APPL2: variants seen among roughly 807,000 people sequenced by gnomAD.
APPL2 encodes adaptor protein, phosphotyrosine interacting with PH domain and leucine zipper 2.
A neutral mutation model predicts 92.7 loss-of-function variants in APPL2; 84 were observed. The ratio of observed to expected loss-of-function variants is 0.91; its 90% CI spans 0.76 to 1.09. The LOEUF is 1.09. Ranked by LOEUF, APPL2 falls within the 50% of genes least tolerant of loss-of-function variation. The pLI, the probability that APPL2 is intolerant of heterozygous loss-of-function variation, is 0.00. For synonymous variants in APPL2, 291 were observed against 291.0 expected, an observed-to-expected ratio of 1.00 and a Z score of 0.00; for missense variants, 736 against 824.5, an observed-to-expected ratio of 0.89 and a Z score of 1.31.
intron 7 of APPL2, 67 bp downstream of exon 7, chr12:105,207,904 C>A: frequency 7.0e-7 from 1 of 1,421,646 alleles, no homozygotes; most frequent in South Asian, 1.2e-5. Flanking sequence ...GCCATAAATT[C>A]ACAAGAGGAA....
rs1243369573 is a variant in APPL2, at chr12:105,217,718, A to AT, written c.160dup (p.Met54AsnfsTer10). On this transcript the variant is annotated frameshift_variant, in exon 3 of 21. Coordinates refer to ENST00000258530, the MANE Select transcript of APPL2 (RefSeq NM_018171.5). LOFTEE classifies it high-confidence loss of function. ...AGAAAGCTGTTGTGTGGCCAGGCAC[A>AT]TCTCATTCTGTGGAGAGAAGAGAAA... 1.2e-6 allele frequency: 2 copies of AT among 1,613,786 alleles called. No homozygotes were observed. The highest frequency in any genetic ancestry group is 1.7e-6 in the Non-Finnish European group (2 of 1,180,038).
intron 17 of APPL2, among the ~76,000 whole-genome samples, chr12:105,187,952 A>C (rs969112065): frequency 2.6e-5 from 4 of 151,914 alleles, no homozygotes; most frequent in African/African-American, 9.7e-5. Context: ...TTTTTTATAA[A>C]TAGTACTCTC....
intron 7 of APPL2, 138 bp downstream of exon 7, chr12:105,207,833 A>ATC: frequency 2.8e-6 from 2 of 720,048 alleles, no homozygotes; most frequent in Admixed American, 2.8e-5. Flanking sequence ...TGAGATTTGG[A>ATC]ATGAACAATT....
chr12:105,226,873 T>C lies in APPL2; in HGVS notation c.153+2252A>G, dbSNP rs142879377. 5.4e-3 allele frequency among the ~76,000 whole-genome samples: 816 copies of C among 152,252 alleles called. 3 individuals carry two copies. Among genetic ancestry groups the C allele is most frequent in the African/African-American group, 0.018 (753 of 41,534 alleles). The stretch of plus-strand genomic sequence containing the variant: ...GGTCATTAAAACTAGTTCTAGCTAC[T>C]CAGAAGGCTAAGACAGATCACTTGA... On this transcript the variant is annotated intron_variant, in intron 2 of 20. Coordinates refer to ENST00000258530, the MANE Select transcript of APPL2 (RefSeq NM_018171.5).
At chr12:105,213,928 T>C (rs1889427910) in intron 4 of APPL2, among the ~76,000 whole-genome samples, 1 of 152,198 alleles carries the variant, frequency 6.6e-6, no homozygotes, top group African/African-American at 2.4e-5. Flanking sequence ...GGCTCACACC[T>C]GTAATCTCAG....
chr12:105,209,917 G>C (rs540702596), intron 5 of APPL2, among the ~76,000 whole-genome samples: 10 of 151,958 alleles, frequency 6.6e-5, no homozygotes, highest in African/African-American at 2.4e-4. Flanking sequence ...CTTAGCCTCA[G>C]GTGACACCAA....
intron 2 of APPL2, among the ~76,000 whole-genome samples, chr12:105,228,758 A>T (rs904347202): frequency 6.6e-6 from 1 of 152,190 alleles, no homozygotes; most frequent in African/African-American, 2.4e-5. Context: ...TCCCACACTG[A>T]CATCTAAGAC....
At chr12:105,198,537 G>A (rs1005809467) in intron 10 of APPL2, among the ~76,000 whole-genome samples, 2 of 152,198 alleles carry the variant, frequency 1.3e-5, no homozygotes, top group Non-Finnish European at 2.9e-5. Context: ...ACAGACCTTA[G>A]AGGTACTCCA....
rs202080524 is a variant in APPL2 at position 105,208,167 on chromosome 12, C to T, written c.406G>A (p.Ala136Thr). Reference sequence around the variant, plus strand: ...TGGAGAAGGTGCCTACCATTGCTAGCGAGTCCAAATAGATCCTTTAAAGTG... The same window carrying T: ...TGGAGAAGGTGCCTACCATTGCTAGTGAGTCCAAATAGATCCTTTAAAGTG... Reference protein sequence around the residue: ...VSTLKDLFGLASNEHDLSMAK... With the variant: ...VSTLKDLFGLTSNEHDLSMAK... Residue 136 changes from alanine to threonine, a missense_variant, in exon 6 of 21, where the codon GCT (alanine) becomes ACT (threonine). Transcript: ENST00000258530. 1.3e-4 allele frequency: 202 copies of T among 1,614,184 alleles called. 1 individual carries two copies. The highest frequency in any genetic ancestry group is 1.6e-4 in the East Asian group (7 of 44,882).
At chr12:105,222,685 A>G (rs575439977) in intron 2 of APPL2, among the ~76,000 whole-genome samples, 18 of 152,330 alleles carry the variant, frequency 1.2e-4, no homozygotes, top group Middle Eastern at 3.4e-3. Flanking sequence ...GGGGCCAGAC[A>G]TGGTGTAGGG....
intron 2 of APPL2, among the ~76,000 whole-genome samples, chr12:105,228,629 C>CTTTTGCATG (rs1890698407): frequency 6.6e-6 from 1 of 151,722 alleles, no homozygotes; most frequent in South Asian, 2.1e-4. Context: ...TCAGCAATTT[C>CTTTTGCATG]TTTTGCATGC....
chr12:105,181,419 G>C (rs1886102009), intron 17 of APPL2, among the ~76,000 whole-genome samples: 1 of 151,932 alleles, frequency 6.6e-6, no homozygotes, highest in African/African-American at 2.4e-5. Context: ...CCCTGAAATT[G>C]TGTTTTTTTA....
chr12:105,181,463 T>C (rs181754563), intron 17 of APPL2, among the ~76,000 whole-genome samples: 190 of 152,348 alleles, frequency 1.2e-3, no homozygotes, highest in African/African-American at 4.4e-3. Context: ...ATCAGGATGA[T>C]GCTGGCTTCA....
chr12:105,190,185 C>A, intron 14 of APPL2, 30 bp from the exon 15 acceptor site: 1 of 1,592,804 alleles, frequency 6.3e-7, no homozygotes. Context: ...ATTCCCTTAA[C>A]CTTACGCTTT....
chr12:105,197,853 T>C lies in APPL2; in HGVS notation c.964A>G (p.Ile322Val). The C allele has an allele frequency of 6.2e-7, 1 of 1,614,166 alleles. No homozygotes were observed. The highest frequency in any genetic ancestry group is 1.1e-5 in the South Asian group (1 of 91,080). The change falls in exon 11 of 21, where the codon ATC becomes GTC. Residue 322 changes from isoleucine (I) to valine (V), a missense_variant. Transcript: ENST00000258530. The part of the protein sequence containing the change: ...QPRGAVAGGL[I>V]QDLDNCSVMA... The stretch of plus-strand genomic sequence containing the variant: ...ACTGAGCAGTTGTCCAGGTCCTGGA[T>C]CAAACCTCCAGCCACGGCTCCCCTG...
At chr12:105,235,530 G>A (rs1043272948) in intron 1 of APPL2, among the ~76,000 whole-genome samples, 1 of 152,196 alleles carries the variant, frequency 6.6e-6, no homozygotes, top group Non-Finnish European at 1.5e-5. Flanking sequence ...ATTGTCTGCT[G>A]ACAACTTTAC....
chr12:105,185,681 T>C (rs180760541), intron 17 of APPL2, among the ~76,000 whole-genome samples: 1 of 152,260 alleles, frequency 6.6e-6, no homozygotes, highest in African/African-American at 2.4e-5. Context: ...AGACTGGAGC[T>C]GTTCCTATTC....
chr12:105,208,070 G>A (rs762560469), intron 6 of APPL2, 41 bp from the exon 7 acceptor site: 1 of 1,613,750 alleles, frequency 6.2e-7, no homozygotes, highest in Non-Finnish European at 8.5e-7. Flanking sequence ...GAGGGTCAGG[G>A]TCGAAAGGGA....
intron 1 of APPL2, among the ~76,000 whole-genome samples, chr12:105,231,622 T>C (rs185353491): frequency 7.2e-5 from 11 of 152,338 alleles, no homozygotes; most frequent in Admixed American, 6.5e-4. Context: ...GCATGATCTT[T>C]GGTCCACAGC....
Sources: gnomAD v4.1 joint callset for allele counts (sites outside exome capture counted in the v4.1 genomes callset) on GRCh38, gnomAD v4.1.1 for gene constraint, MANE v1.5 for transcripts, NCBI Gene and HGNC (gene_info 2026-07-23, HGNC 2026-07-21) for gene names.